ZNF469: variants seen among roughly 807,000 people sequenced by gnomAD.
ZNF469 encodes zinc finger protein 469.
In ZNF469, 1 loss-of-function variant was observed where a neutral mutation model predicts 1.0. The ratio of observed to expected loss-of-function variants is 1.00; its 90% CI spans 0.35 to 4.73. The LOEUF (loss-of-function observed/expected upper bound fraction) is 4.73. Among genes scored for constraint, ZNF469 ranks in the 30% most tolerant of loss-of-function variants. The pLI, the probability that ZNF469 is intolerant of heterozygous loss-of-function variation, is 0.16. For synonymous variants in ZNF469, 2,703 were observed against 2,363.4 expected (o/e 1.14, Z -4.17); for missense variants, 6,100 against 5,356.3 (o/e 1.14, Z -4.33).
the ZNF469 span, among the ~76,000 whole-genome samples, chr16:88,358,016 G>A: frequency 6.6e-6 from 1 of 152,244 alleles, no homozygotes; most frequent in Admixed American, 6.5e-5. Flanking sequence ...CACAGAGAGA[G>A]GGAGTGAGTG....
the ZNF469 span, among the ~76,000 whole-genome samples, chr16:88,342,095 A>C: frequency 1.3e-5 from 2 of 150,856 alleles, no homozygotes; most frequent in African/African-American, 4.8e-5. Flanking sequence ...CTGGGGACGA[A>C]GAAGGCCGGT....
chr16:88,419,829 C>G (rs758120863), intron 1 of ZNF469, among the ~76,000 whole-genome samples: 4 of 152,268 alleles, frequency 2.6e-5, no homozygotes, highest in Non-Finnish European at 4.4e-5. Flanking sequence ...CCACTCTTCT[C>G]TCTCAGGCCA....
At chr16:88,421,235 C>T (rs1905447385) in intron 1 of ZNF469, among the ~76,000 whole-genome samples, 1 of 152,216 alleles carries the variant, frequency 6.6e-6, no homozygotes, top group Admixed American at 6.5e-5. Context: ...GCCAGAGCCA[C>T]CCCAACCTGC....
At position 88,433,423 on chromosome 16, in the gene ZNF469, T is replaced by C; in HGVS notation, c.5953T>C (p.Leu1985=). ...LGLEADGHWG[L]LGQAEKTQGQ... ...GCTGGAGGCAGATGGACATTGGGGC[T>C]TGCTTGGCCAAGCCGAGAAAACCCA... The change falls in exon 3 of 3, where the codon TTG becomes CTG. Residue 1985 remains leucine (L), a synonymous_variant. Transcript: ENST00000565624. The C allele has an allele frequency of 6.5e-7, 1 of 1,550,330 alleles. No homozygotes were observed. Among genetic ancestry groups the C allele is most frequent in the Non-Finnish European group, 8.7e-7 (1 of 1,146,952 alleles).
At chr16:88,336,482 T>A in the ZNF469 span, among the ~76,000 whole-genome samples, 1 of 139,734 alleles carries the variant, frequency 7.2e-6, no homozygotes, top group Non-Finnish European at 1.6e-5. Context: ...CCACGCACGT[T>A]CATCCTTCAC....
chr16:88,332,722 G>T, the ZNF469 span, among the ~76,000 whole-genome samples: 8 of 152,180 alleles, frequency 5.3e-5, no homozygotes, highest in Non-Finnish European at 1.0e-4. Context: ...TGGGGGAGGG[G>T]GGGCTGCTGG....
the ZNF469 span, among the ~76,000 whole-genome samples, chr16:88,306,159 G>C: frequency 6.6e-6 from 1 of 152,254 alleles, no homozygotes; most frequent in Non-Finnish European, 1.5e-5. Flanking sequence ...AGGTTCAGAA[G>C]CAGCCTCCTG....
At chr16:88,302,703 C>A in the ZNF469 span, among the ~76,000 whole-genome samples, 1 of 152,186 alleles carries the variant, frequency 6.6e-6, no homozygotes, top group African/African-American at 2.4e-5. Context: ...CGGAGGCTCA[C>A]TTTCTGCTTG....
In ZNF469 at chr16:88,433,731, G is replaced by A. The variant is rs539874684; in HGVS notation, c.6261G>A (p.Ala2087=). 2.5e-4 allele frequency: 380 copies of A among 1,548,716 alleles called. 1 individual carries two copies. Among genetic ancestry groups the A allele is most frequent in the South Asian group, 2.4e-3 (199 of 84,044 alleles). ...SGSEGRTPER[A]SSPGLNKPLL... ...CTGAGGGCCGGACTCCAGAGAGGGC[G>A]TCCAGCCCCGGCCTGAACAAGCCAC... Residue 2087 remains alanine, a synonymous_variant, in exon 3 of 3, where the codon GCG becomes GCA. Coordinates refer to ENST00000565624, the MANE Select transcript of ZNF469 (RefSeq NM_001367624.2).
chr16:88,182,734 T>A, the ZNF469 span, among the ~76,000 whole-genome samples: 3 of 151,144 alleles, frequency 2.0e-5, no homozygotes, highest in African/African-American at 7.3e-5. Context: ...TTACATTAAA[T>A]ACAAAATCTA....
At chr16:88,328,672 A>G in the ZNF469 span, among the ~76,000 whole-genome samples, 2 of 152,200 alleles carry the variant, frequency 1.3e-5, no homozygotes, top group Non-Finnish European at 2.9e-5. Context: ...AAGAAATCAG[A>G]TACAACCCTC....
At chr16:88,156,502 A>G in the ZNF469 span, among the ~76,000 whole-genome samples, 2 of 152,340 alleles carry the variant, frequency 1.3e-5, no homozygotes, top group East Asian at 1.9e-4. Flanking sequence ...TTCTTCATCA[A>G]ATAGTCTTGA....
At chr16:88,133,570 T>C in the ZNF469 span, among the ~76,000 whole-genome samples, 1 of 152,102 alleles carries the variant, frequency 6.6e-6, no homozygotes, top group Non-Finnish European at 1.5e-5. Context: ...ATTTAACCAA[T>C]AAGTTCAATC....
chr16:88,431,985 G>T lies in ZNF469; in HGVS notation c.4515G>T (p.Glu1505Asp), dbSNP rs1341781799. 1 of 1,549,812 alleles carries T rather than the reference G, an allele frequency of 6.5e-7. No homozygotes were observed. Among genetic ancestry groups the T allele is most frequent in the Admixed American group, 2.0e-5 (1 of 51,002 alleles). ...CGTACCCCTCTTTTTTGCTGCTTGA[G>T]GAAGTATCCCCGATGCTGCCTAGCC... ...DPPYPSFLLL[E>D]EVSPMLPSHF... Residue 1505 changes from glutamate to aspartate, a missense_variant, in exon 3 of 3, where the codon GAG becomes GAT. Physicochemically the swap from Glu to Asp is conservative, Grantham distance 45. Transcript: ENST00000565624.
In ZNF469 at chr16:88,435,523, C is replaced by A. The variant is rs1291713710; in HGVS notation, c.8053C>A (p.Pro2685Thr). ...PSHCLSVEGG[P>T]EADGEQPPRL... ...CCACTGCCTCTCTGTGGAAGGAGGG[C>A]CTGAGGCTGACGGGGAGCAGCCGCC... is the stretch of plus-strand genomic sequence containing the variant. Residue 2685 changes from proline (P) to threonine (T), a missense_variant, in exon 3 of 3, where the codon CCT becomes ACT. By Grantham distance (38) the Pro-to-Thr change is conservative. Transcript: ENST00000565624. The A allele has an allele frequency of 1.3e-6, 2 of 1,549,278 alleles. No homozygotes were observed. The highest frequency in any genetic ancestry group is 1.4e-5 in the African/African-American group (1 of 73,042).
At chr16:88,315,167 G>A in the ZNF469 span, among the ~76,000 whole-genome samples, 3 of 152,220 alleles carry the variant, frequency 2.0e-5, no homozygotes, top group Non-Finnish European at 4.4e-5. Flanking sequence ...GGTCTCCCCC[G>A]AGGGCCAGGG....
At chr16:88,127,623 G>A in the ZNF469 span, among the ~76,000 whole-genome samples, 251 of 152,314 alleles carry the variant, frequency 1.6e-3, 2 homozygotes, top group African/African-American at 5.8e-3. Context: ...TGTGATGAGC[G>A]TCGTCAGTGC....
At chr16:88,152,498 G>C in the ZNF469 span, among the ~76,000 whole-genome samples, 1 of 152,124 alleles carries the variant, frequency 6.6e-6, no homozygotes, top group Non-Finnish European at 1.5e-5. The surrounding 1 kb of genome is among the most constrained non-coding windows in gnomAD (Gnocchi z 4.2). Context: ...GCTGATGTCT[G>C]CTTGGCGCGC....
At chr16:88,407,776 C>T (rs917556332) in intron 1 of ZNF469, among the ~76,000 whole-genome samples, 1 of 152,254 alleles carries the variant, frequency 6.6e-6, no homozygotes, top group Non-Finnish European at 1.5e-5. Context: ...TGCTCAGACG[C>T]TGCCTTCTGT....
Sources: gnomAD v4.1 joint callset for allele counts (sites outside exome capture counted in the v4.1 genomes callset) on GRCh38, gnomAD v4.1.1 for gene constraint, Gnocchi (gnomAD v3.1) non-coding constraint, MANE v1.5 for transcripts, NCBI Gene and HGNC (gene_info 2026-07-23, HGNC 2026-07-21) for gene names.